The following SYNE1 variants were observed in gnomAD, a reference collection of about 807,000 sequenced individuals.
The protein encoded by SYNE1 is nesprin-1.
In SYNE1, 616 loss-of-function variants were observed where a neutral mutation model predicts 1,111.0. The observed-to-expected ratio is 0.55, with a 90% CI of 0.52 to 0.59. The LOEUF is 0.59. Among genes scored for constraint, SYNE1 ranks in the 20% least tolerant of loss-of-function variants. SYNE1 has a pLI of 0.00. For synonymous variants in SYNE1, 3,855 were observed against 3,825.8 expected (o/e 1.01, Z -0.28); for missense variants, 10,006 against 10,417.0 (o/e 0.96, Z 1.72).
intron 84 of SYNE1, among the ~76,000 whole-genome samples, chr6:152,319,721 C>T (rs1439186250): frequency 2.8e-5 from 1 of 35,788 alleles, no homozygotes; most frequent in Non-Finnish European, 6.4e-5. Flanking sequence ...AGAAAACACA[C>T]CATTAAAAGA....
At chr6:152,398,544 T>G in intron 49 of SYNE1, 75 bp downstream of exon 49, 9 of 1,210,584 alleles carry the variant, frequency 7.4e-6, no homozygotes, top group Admixed American at 1.7e-5. Flanking sequence ...ATTTGGGAAA[T>G]GAGATAACTT....
intron 6 of SYNE1, among the ~76,000 whole-genome samples, chr6:152,511,840 C>A (rs188930582): frequency 1.3e-5 from 2 of 152,130 alleles, no homozygotes; most frequent in East Asian, 3.9e-4. Flanking sequence ...TACAATTGAC[C>A]CAAATTATTC....
chr6:152,392,927 T>C (rs528516199), intron 51 of SYNE1, among the ~76,000 whole-genome samples: 5 of 152,126 alleles, frequency 3.3e-5, no homozygotes, highest in Non-Finnish European at 7.4e-5. Context: ...TAGTGAAATA[T>C]TATGGTGAAA....
chr6:152,450,557 G>A (rs191945483), intron 27 of SYNE1, 68 bp downstream of exon 27: 2 of 1,291,052 alleles, frequency 1.5e-6, no homozygotes, highest in East Asian at 2.3e-5. Context: ...TTCTTGTTTT[G>A]TCATGATCTC....
intron 32 of SYNE1, among the ~76,000 whole-genome samples, chr6:152,439,927 G>A (rs1423657983): frequency 6.6e-6 from 1 of 152,152 alleles, no homozygotes; most frequent in African/African-American, 2.4e-5. Flanking sequence ...ACTAAATACG[G>A]TCTGTTTGAT....
intron 10 of SYNE1, 125 bp downstream of exon 10, chr6:152,502,508 T>G (rs1361006709): frequency 1.0e-5 from 8 of 776,330 alleles, no homozygotes; most frequent in African/African-American, 6.8e-5. Flanking sequence ...GGTGATAGCT[T>G]TTTAAAATCA....
chr6:152,298,574 T>A (rs79739068), intron 93 of SYNE1, among the ~76,000 whole-genome samples: 1 of 152,102 alleles, frequency 6.6e-6, no homozygotes, highest in Admixed American at 6.5e-5. Flanking sequence ...TTTTTTTTTT[T>A]AACAACTGTG....
rs193143756 is a variant in SYNE1 at position 152,227,207 on chromosome 6, T to G, written c.21196-1331A>C. ...CTTGTTAATCTCTCTCTACCTCATT[T>G]TTAAAATAGTAATAATAAGACATTT... On this transcript the variant is annotated intron_variant, in intron 115 of 145. Transcript: ENST00000367255. Among the ~76,000 whole-genome samples the G allele has an allele frequency of 2.7e-4, 41 of 152,292 alleles. 1 individual carries two copies. In the East Asian group the frequency reaches 3.9e-3, roughly 14 times the overall value.
At chr6:152,316,496 A>C in intron 87 of SYNE1, 2 of 318,522 alleles carry the variant, frequency 6.3e-6, no homozygotes. Flanking sequence ...GGAGTCTAGA[A>C]TCTTTCCACA....
At chr6:152,305,559 T>A (rs2095348728) in intron 91 of SYNE1, among the ~76,000 whole-genome samples, 1 of 152,172 alleles carries the variant, frequency 6.6e-6, no homozygotes, top group South Asian at 2.1e-4. Context: ...CCACCACACC[T>A]GGCCGAAAAA....
At chr6:152,153,037 C>G (rs1488017863) in intron 133 of SYNE1, among the ~76,000 whole-genome samples, 1 of 152,156 alleles carries the variant, frequency 6.6e-6, no homozygotes, top group African/African-American at 2.4e-5. Flanking sequence ...TTTATCTTGG[C>G]ATTAGACCAA....
intron 15 of SYNE1, 176 bp downstream of exon 15, chr6:152,472,125 G>A (rs2098809206): frequency 3.2e-6 from 2 of 632,660 alleles, no homozygotes; most frequent in East Asian, 2.7e-5. Context: ...ACTCTTTTCA[G>A]TTAATAATAC....
chr6:152,398,463 T>G lies in SYNE1; in HGVS notation c.7350+156A>C, dbSNP rs2068727. ...AACTTGTTTCTCAACATACTTATCA[T>G]GTTGTCTATTTCCTTCTGACTCAAT... is the stretch of plus-strand genomic sequence containing the variant. On this transcript the variant is annotated intron_variant, in intron 49 of 145. Transcript: ENST00000367255. Among the ~76,000 whole-genome samples the G allele has an allele frequency of 0.023, 3,442 of 152,356 alleles. 50 individuals are homozygous for G. Among genetic ancestry groups the G allele is most frequent in the Non-Finnish European group, 0.035 (2,392 of 68,032 alleles).
chr6:152,221,558 T>C lies in SYNE1; in HGVS notation c.21524A>G (p.Asn7175Ser), dbSNP rs371099556. The change falls in exon 118 of 146, where the codon AAT becomes AGT. Residue 7175 changes from asparagine to serine, a missense_variant and splice_region_variant. By Grantham distance (46) the Asn-to-Ser change is conservative. Coordinates refer to ENST00000367255, the MANE Select transcript of SYNE1 (RefSeq NM_182961.4). ...AVQVQVDNLQ[N>S]LQDDLEKQER... ...CTGTTTTTCCAGATCATCTTGGAGA[T>C]TCTGCCCCAAAAAAAAGACCCATAG... 1 of 1,613,782 alleles carries C rather than the reference T, an allele frequency of 6.2e-7. No individual in the cohort carries two copies. The highest frequency in any genetic ancestry group is 8.5e-7 in the Non-Finnish European group (1 of 1,179,904).
rs1222544021 is a variant in SYNE1, at chr6:152,369,602, G to C, written c.9520C>G (p.Gln3174Glu). 6.2e-6 allele frequency: 10 copies of C among 1,614,088 alleles called. No individual in the cohort carries two copies. Among genetic ancestry groups the C allele is most frequent in the Non-Finnish European group, 7.6e-6 (9 of 1,180,006 alleles). Residue 3174 changes from glutamine (Q) to glutamate (E), a missense_variant, in exon 60 of 146, where the codon CAA becomes GAA. Transcript: ENST00000367255. ...KESALENLKIQMKDFEVSAEP... is the reference protein window; with the variant it reads ...KESALENLKIEMKDFEVSAEP... ...GCACTTACTTCAAAGTCCTTCATTT[G>C]GATCTTTAGATTCTGCAAGGTTTTA...
At position 152,155,766 on chromosome 6, in the gene SYNE1, T is replaced by C. The variant is rs1457056785; in HGVS notation, c.23978+144A>G. On this transcript the variant is annotated intron_variant, in intron 132 of 145. Transcript: ENST00000367255. ...ATACCTACTTATTTTCCCAACTAAA[T>C]GTAGACAATAGTAAGTTTGGGAAGC... 5 of 949,880 alleles carry C rather than the reference T, an allele frequency of 5.3e-6. No homozygotes were observed. In the Middle Eastern group the frequency reaches 9.4e-4, roughly 178 times the overall value. The allele number at this position is 949,880 out of a possible 1,614,324, so 58.8% of individuals were successfully genotyped here.
chr6:152,616,201 G>C (rs1386398047), intron 3 of SYNE1, among the ~76,000 whole-genome samples: 1 of 152,082 alleles, frequency 6.6e-6, no homozygotes, highest in Admixed American at 6.6e-5. Context: ...AACCCGGAAA[G>C]ATAAAGTTGT....
chr6:152,400,997 G>A, intron 47 of SYNE1, 141 bp downstream of exon 47: 1 of 751,950 alleles, frequency 1.3e-6, no homozygotes, highest in Non-Finnish European at 2.2e-6. Flanking sequence ...TTACTTTGCT[G>A]TGTTCAATGT....
chr6:152,353,271 T>C lies in SYNE1; in HGVS notation c.11245A>G (p.Thr3749Ala), dbSNP rs2096774099. ...GAAGTATGCGTGCCTACCTCCAACG[T>C]CTTCAATTTCTTCCCCATCATTACT... is the stretch of plus-strand genomic sequence containing the variant. ...DTVMMGKKLK[T>A]LEVLLKDMEK... is the part of the protein sequence containing the mutation. Residue 3749 changes from threonine (T) to alanine (A), a missense_variant, in exon 69 of 146, where the codon ACG (threonine) becomes GCG (alanine). Coordinates refer to ENST00000367255, the MANE Select transcript of SYNE1 (RefSeq NM_182961.4). 1 of 1,614,192 alleles carries C rather than the reference T, an allele frequency of 6.2e-7. No homozygotes were observed. Among genetic ancestry groups the C allele is most frequent in the Non-Finnish European group, 8.5e-7 (1 of 1,180,050 alleles).
Sources: allele counts gnomAD v4.1 joint callset (sites outside exome capture counted in the v4.1 genomes callset), GRCh38; gene constraint gnomAD v4.1.1; transcripts MANE v1.5; gene names NCBI Gene and HGNC (gene_info 2026-07-23, HGNC 2026-07-21).